ADAMTSL2: variants seen among roughly 807,000 people sequenced by gnomAD.
ADAMTSL2 encodes ADAMTS like 2.
A neutral mutation model predicts 117.0 loss-of-function variants in ADAMTSL2; 55 were observed. The observed-to-expected ratio is 0.47, with a 90% CI of 0.38 to 0.59. The LOEUF (loss-of-function observed/expected upper bound fraction) is 0.59. Ranked by LOEUF, ADAMTSL2 falls within the 20% of genes least tolerant of loss-of-function variation. The probability of loss-of-function intolerance (pLI) is 0.00; values close to 1 mark genes in which losing one functional copy is unlikely to be tolerated. For missense variants in ADAMTSL2, 1,182 were observed against 1,354.5 expected, an observed-to-expected ratio of 0.87 and a Z score of 2.00; for synonymous variants, 572 against 566.4, an observed-to-expected ratio of 1.01 and a Z score of -0.14.
At chr9:133,546,264 A>G (rs1830345852) in intron 8 of ADAMTSL2, among the ~76,000 whole-genome samples, 1 of 151,624 alleles carries the variant, frequency 6.6e-6, no homozygotes, top group Admixed American at 6.6e-5. Context: ...GCAGGGCTTC[A>G]TGGGCCATTT....
chr9:133,561,071 G>A, intron 11 of ADAMTSL2, 127 bp from the exon 12 acceptor site: 1 of 806,768 alleles, frequency 1.2e-6, no homozygotes, highest in Non-Finnish European at 2.1e-6. Flanking sequence ...GTCGGCCCGG[G>A]GCTCAGGACA....
Position 133,568,362 on chromosome 9 carries a change from C to T in ADAMTSL2, c.1964C>T (p.Pro655Leu). ...RVVRCWKMLS[P>L]GFDSSVYSDL... ...GTGCGCTGCTGGAAGATGCTCTCGCCCGGCTTCGACAGCTCCGTGTACAGC... is the reference window on the plus strand; with the variant it reads ...GTGCGCTGCTGGAAGATGCTCTCGCTCGGCTTCGACAGCTCCGTGTACAGC... Residue 655 changes from proline (P) to leucine (L), a missense_variant, in exon 14 of 19, where the codon CCC becomes CTC. Around this residue, in one of 3 missense-constraint regions of ADAMTSL2, gnomAD observed 465 missense variants for 565.3 expected, o/e 0.82. Transcript: ENST00000651351. The T allele has an allele frequency of 6.3e-7, 1 of 1,598,336 alleles. No individual in the cohort carries two copies. Among genetic ancestry groups the T allele is most frequent in the South Asian group, 1.1e-5 (1 of 88,558 alleles).
chr9:133,538,214 T>G, intron 3 of ADAMTSL2, 135 bp from the exon 4 acceptor site: 1 of 982,194 alleles, frequency 1.0e-6, no homozygotes, highest in Non-Finnish European at 1.6e-6. Flanking sequence ...GGGGTGGGAG[T>G]TGAGTAGGGA....
intron 11 of ADAMTSL2, 112 bp from the exon 12 acceptor site, chr9:133,561,086 T>C: frequency 1.1e-6 from 1 of 873,500 alleles, no homozygotes; most frequent in South Asian, 1.4e-5. Flanking sequence ...AGGACAGGTG[T>C]GTGCTTCAGG....
At chr9:133,572,859 G>C (rs2131190220) in intron 17 of ADAMTSL2, among the ~76,000 whole-genome samples, 1 of 152,282 alleles carries the variant, frequency 6.6e-6, no homozygotes, top group Admixed American at 6.5e-5. Context: ...CACTCCCCAG[G>C]GGCAGAGGAG....
intron 1 of ADAMTSL2, among the ~76,000 whole-genome samples, chr9:133,535,336 G>C (rs1309759024): frequency 6.6e-6 from 1 of 151,116 alleles, no homozygotes; most frequent in Non-Finnish European, 1.5e-5. Flanking sequence ...CTGTGGGTGT[G>C]AGGCTGAGAG....
chr9:133,564,345 A>G (rs1197407412), intron 12 of ADAMTSL2, among the ~76,000 whole-genome samples: 2 of 35,864 alleles, frequency 5.6e-5, no homozygotes, highest in East Asian at 6.6e-4. Flanking sequence ...AGAGAGAGAA[A>G]GAGAGAGGGA....
chr9:133,552,357 C>T (rs1209966705), intron 9 of ADAMTSL2, among the ~76,000 whole-genome samples: 1 of 152,194 alleles, frequency 6.6e-6, no homozygotes, highest in Non-Finnish European at 1.5e-5. Flanking sequence ...CTCTGGAAGA[C>T]AGGTGCTTTA....
At chr9:133,535,420 C>T (rs951517539) in intron 1 of ADAMTSL2, among the ~76,000 whole-genome samples, 13 of 151,944 alleles carry the variant, frequency 8.6e-5, no homozygotes, top group African/African-American at 2.7e-4. Flanking sequence ...CTCAGGCTCC[C>T]CACTCCAGGG....
chr9:133,565,671 C>T (rs953147241), intron 12 of ADAMTSL2, among the ~76,000 whole-genome samples: 66 of 152,336 alleles, frequency 4.3e-4, no homozygotes, highest in African/African-American at 1.5e-3. Flanking sequence ...TTCCATCCAG[C>T]GCTGGGGCTT....
chr9:133,547,759 C>T (rs538128596), intron 9 of ADAMTSL2, among the ~76,000 whole-genome samples: 17 of 152,314 alleles, frequency 1.1e-4, no homozygotes, highest in African/African-American at 3.4e-4. Context: ...TCCTTAGTGC[C>T]AGGGCCCAAG....
chr9:133,533,122 G>A (rs960879183), upstream of ADAMTSL2, among the ~76,000 whole-genome samples: 2 of 152,052 alleles, frequency 1.3e-5, no homozygotes, highest in African/African-American at 4.8e-5. Context: ...CCCAGAGCGA[G>A]TGTAATCCGG....
chr9:133,565,050 G>A (rs1830932795), intron 12 of ADAMTSL2, among the ~76,000 whole-genome samples: 1 of 152,140 alleles, frequency 6.6e-6, no homozygotes, highest in Non-Finnish European at 1.5e-5. Flanking sequence ...CCTCGGCTCA[G>A]GTCATAGGTG....
chr9:133,553,701 C>G (rs994850049), intron 9 of ADAMTSL2, among the ~76,000 whole-genome samples: 1 of 152,304 alleles, frequency 6.6e-6, no homozygotes, highest in South Asian at 2.1e-4. Context: ...AAATCCTAGG[C>G]CTGCCTGCTC....
At position 133,554,448 on chromosome 9, in the gene ADAMTSL2, A is replaced by T; in HGVS notation, c.1031A>T (p.Tyr344Phe). The change falls in exon 10 of 19, where the codon TAT (tyrosine) becomes TTT (phenylalanine). Residue 344 changes from tyrosine to phenylalanine, a missense_variant. Transcript: ENST00000651351. This position sits in a 1 kb window ranked among gnomAD's most constrained non-coding sequence, Gnocchi z 5.2. ...PHESRPQPIY[Y>F]GFSESAESQG... is the part of the protein sequence containing the mutation. ...GAGAGCCGCCCCCAGCCCATCTACTATGGCTTCTCCGAGAGCGCTGAGAGC... is the reference window on the plus strand; with the variant it reads ...GAGAGCCGCCCCCAGCCCATCTACTTTGGCTTCTCCGAGAGCGCTGAGAGC... 6.4e-7 allele frequency: 1 copy of T among 1,560,908 alleles called. No individual in the cohort carries two copies. The highest frequency in any genetic ancestry group is 8.7e-7 in the Non-Finnish European group (1 of 1,152,910).
Position 133,568,590 on chromosome 9 carries a change from C to T in ADAMTSL2, c.2089-13C>T. ...TGTCACACCCCCCCTGCCCCCTCCC[C>T]CTGCCGCCCCAGTGCACTGCCAAGT... On this transcript the variant is annotated splice_polypyrimidine_tract_variant and intron_variant, in intron 14 of 18. Transcript: ENST00000651351. The T allele has an allele frequency of 2.5e-6, 4 of 1,573,868 alleles. No individual in the cohort carries two copies. The highest frequency in any genetic ancestry group is 3.4e-6 in the Non-Finnish European group (4 of 1,160,280).
chr9:133,555,690 A>G lies in ADAMTSL2; in HGVS notation c.1409A>G (p.Lys470Arg). ...DQLLGAGSDL[K>R]DFTLNETVNS... ...CTGCTGGGCGCAGGCTCTGACTTGA[A>G]GGACTTCACCCTCAATGAGACTGTG... Residue 470 changes from lysine (K) to arginine (R), a missense_variant, in exon 11 of 19, where the codon AAG becomes AGG. By Grantham distance (26) the Lys-to-Arg change is conservative (BLOSUM62 2). Around this residue, in one of 3 missense-constraint regions of ADAMTSL2, gnomAD observed 345 missense variants for 325.8 expected, o/e 1.06. Transcript: ENST00000651351. 1 of 1,613,938 alleles carries G rather than the reference A, an allele frequency of 6.2e-7. No homozygotes were observed. Among genetic ancestry groups the G allele is most frequent in the South Asian group, 1.1e-5 (1 of 91,088 alleles).
In ADAMTSL2 at chr9:133,555,872, T is replaced by G; in HGVS notation, c.1591T>G (p.Phe531Val). Residue 531 changes from phenylalanine to valine, a missense_variant, in exon 11 of 19, where the codon TTC becomes GTC. Around this residue, in one of 3 missense-constraint regions of ADAMTSL2, gnomAD observed 345 missense variants for 325.8 expected, o/e 1.06. Transcript: ENST00000651351. ...RVANSSSEAP[F>V]PNVSTSLLTS... ...TGCCAACAGCTCCTCCGAGGCCCCA[T>G]TCCCCAACGTTAGCACCAGCCTGCT... 1 of 1,613,210 alleles carries G rather than the reference T, an allele frequency of 6.2e-7. No individual in the cohort carries two copies. Among genetic ancestry groups the G allele is most frequent in the Non-Finnish European group, 8.5e-7 (1 of 1,179,942 alleles).
intron 9 of ADAMTSL2, 110 bp downstream of exon 9, chr9:133,547,323 G>A (rs1236166641): frequency 1.7e-5 from 19 of 1,106,298 alleles, no homozygotes; most frequent in East Asian, 4.7e-5. Context: ...GCCACTGTGC[G>A]CGTGCACCCG....
Sources: gnomAD v4.1 joint callset for allele counts (sites outside exome capture counted in the v4.1 genomes callset) on GRCh38, gnomAD v4.1.1 for gene constraint, gnomAD v4.1.1 regional missense constraint, Gnocchi (gnomAD v3.1) non-coding constraint, MANE v1.5 for transcripts, NCBI Gene and HGNC (gene_info 2026-07-23, HGNC 2026-07-21) for gene names.